Variants in LDAH observed in about 807,000 individuals in gnomAD.
LDAH encodes lipid droplet-associated hydrolase.
In LDAH, 26 loss-of-function variants were observed where a neutral mutation model predicts 29.6. That is an observed-to-expected ratio of 0.88 (90% CI 0.64 to 1.22). LDAH has a LOEUF of 1.22. Ranked by LOEUF, LDAH falls within the 50% of genes most tolerant of loss-of-function variation. The pLI is 0.00. For synonymous variants in LDAH, 117 were observed against 133.0 expected (o/e 0.88, Z 0.83); for missense variants, 344 against 387.3 (o/e 0.89, Z 0.94).
chr2:20,782,910 G>A (rs1670294270), intron 3 of LDAH, among the ~76,000 whole-genome samples: 1 of 151,996 alleles, frequency 6.6e-6, no homozygotes, highest in Non-Finnish European at 1.5e-5. Flanking sequence ...CAGAAACTTA[G>A]GTAATTAACT....
intron 6 of LDAH, among the ~76,000 whole-genome samples, chr2:20,688,013 T>C (rs764603352): frequency 6.6e-6 from 1 of 152,212 alleles, no homozygotes; most frequent in Non-Finnish European, 1.5e-5. Flanking sequence ...TTCCCTAATA[T>C]ACCAAATGTG....
intron 5 of LDAH, among the ~76,000 whole-genome samples, chr2:20,711,437 G>A (rs1286169854): frequency 6.6e-6 from 1 of 151,634 alleles, no homozygotes; most frequent in Non-Finnish European, 1.5e-5. Context: ...GGCCGAATAG[G>A]AACAGCTCCG....
Position 20,685,642 on chromosome 2 carries a change from C to A in LDAH, c.*1261G>T, listed in dbSNP as rs117403000. ...TCATTGTCCTTAGGGAATGATAATG[C>A]CATGAGGGATTTCCTCTAGGAGAAA... On this transcript the variant is annotated 3_prime_UTR_variant, in exon 7 of 7. Coordinates refer to ENST00000237822, the MANE Select transcript of LDAH (RefSeq NM_021925.4). The A allele has an allele frequency of 4.5e-6, 7 of 1,550,086 alleles. No individual in the cohort carries two copies. In the East Asian group the frequency reaches 1.7e-4, roughly 38 times the overall value.
chr2:20,703,573 G>C (rs1664103530), intron 5 of LDAH, among the ~76,000 whole-genome samples: 1 of 152,126 alleles, frequency 6.6e-6, no homozygotes. Flanking sequence ...GTGGTATCTA[G>C]AACCACACTT....
At chr2:20,714,731 C>T (rs2149383583) in intron 5 of LDAH, among the ~76,000 whole-genome samples, 1 of 152,244 alleles carries the variant, frequency 6.6e-6, no homozygotes, top group Middle Eastern at 3.4e-3. Context: ...ATACAAACTA[C>T]CATCAGAGAA....
downstream of LDAH, chr2:20,683,868 A>G (rs1425609605): frequency 1.4e-5 from 2 of 147,066 alleles, no homozygotes; most frequent in East Asian, 3.9e-4. Flanking sequence ...TAAAAAAAAA[A>G]TGAGGAGCTG....
chr2:20,710,855 C>A (rs1664703797), intron 5 of LDAH, among the ~76,000 whole-genome samples: 1 of 151,602 alleles, frequency 6.6e-6, no homozygotes. Context: ...AGACGTCTTT[C>A]AAATATTTGA....
chr2:20,776,568 C>CT (rs1197679800), intron 3 of LDAH, among the ~76,000 whole-genome samples: 2 of 152,138 alleles, frequency 1.3e-5, no homozygotes, highest in African/African-American at 4.8e-5. Flanking sequence ...TGCTCTCACT[C>CT]TTTTTCCCAG....
At chr2:20,706,139 G>A (rs542995003) in intron 5 of LDAH, among the ~76,000 whole-genome samples, 6 of 152,156 alleles carry the variant, frequency 3.9e-5, no homozygotes, top group Non-Finnish European at 8.8e-5. Flanking sequence ...AAATAAGGCC[G>A]ACCTTACAGA....
At position 20,789,202 on chromosome 2, in the gene LDAH, T is replaced by C. The variant is rs541851033; in HGVS notation, c.298+1053A>G. On this transcript the variant is annotated intron_variant, in intron 3 of 6. Coordinates refer to ENST00000237822, the MANE Select transcript of LDAH (RefSeq NM_021925.4). ...CCCCAAATCCATAGGTGAAACCCTA[T>C]GCCCAAATGCTATTAAGAGGTGGAG... is the stretch of plus-strand genomic sequence containing the variant. The C allele has an allele frequency of 5.8e-6, 9 of 1,550,572 alleles. No individual in the cohort carries two copies. The East Asian group carries it at 2.2e-4, about 38-fold the overall frequency.
intron 4 of LDAH, among the ~76,000 whole-genome samples, chr2:20,761,151 G>A (rs996253318): frequency 1.3e-5 from 2 of 152,186 alleles, no homozygotes; most frequent in African/African-American, 2.4e-5. Flanking sequence ...TGTCGAACAA[G>A]ACAACTGTTT....
chr2:20,716,351 G>A (rs945288049), intron 5 of LDAH, among the ~76,000 whole-genome samples: 1 of 151,402 alleles, frequency 6.6e-6, no homozygotes, highest in African/African-American at 2.4e-5. Flanking sequence ...TGATAGACTA[G>A]ATTAAGAAAA....
chr2:20,692,881 A>T (rs1242803010), intron 6 of LDAH, among the ~76,000 whole-genome samples: 3 of 152,148 alleles, frequency 2.0e-5, no homozygotes, highest in Non-Finnish European at 4.4e-5. Flanking sequence ...GGCTTCTCAT[A>T]ATGTCTTTAT....
At chr2:20,811,069 C>G (rs936849220) in intron 1 of LDAH, among the ~76,000 whole-genome samples, 15 of 150,374 alleles carry the variant, frequency 1.0e-4, no homozygotes, top group Middle Eastern at 3.2e-3. Context: ...CCAGGCTGGA[C>G]TGCAGTGGCG....
downstream of LDAH, among the ~76,000 whole-genome samples, chr2:20,682,600 T>C (rs1662351472): frequency 6.6e-6 from 1 of 152,166 alleles, no homozygotes; most frequent in Non-Finnish European, 1.5e-5. Context: ...TGGCAAAAGG[T>C]GGAAGGGCAA....
At chr2:20,690,237 C>T (rs1271782487) in intron 6 of LDAH, among the ~76,000 whole-genome samples, 2 of 152,094 alleles carry the variant, frequency 1.3e-5, no homozygotes, top group Non-Finnish European at 2.9e-5. Context: ...ACAAATATGT[C>T]CAAGTAATTA....
chr2:20,710,988 G>C (rs1480907733), intron 5 of LDAH, among the ~76,000 whole-genome samples: 1 of 151,964 alleles, frequency 6.6e-6, no homozygotes, highest in Non-Finnish European at 1.5e-5. Flanking sequence ...TTTAAAATCT[G>C]AGTTTTCTCT....
intron 1 of LDAH, among the ~76,000 whole-genome samples, chr2:20,813,742 C>T (rs1398106481): frequency 1.3e-5 from 2 of 152,256 alleles, no homozygotes; most frequent in Non-Finnish European, 2.9e-5. Context: ...AGTGATACCA[C>T]ACTTTGTAAG....
chr2:20,772,797 C>T (rs1001335796), intron 4 of LDAH, among the ~76,000 whole-genome samples: 1 of 152,208 alleles, frequency 6.6e-6, no homozygotes, highest in Non-Finnish European at 1.5e-5. Flanking sequence ...CCCCCAAATG[C>T]CACTGCTGAA....
Sources: gnomAD v4.1 joint callset for allele counts (sites outside exome capture counted in the v4.1 genomes callset) on GRCh38, gnomAD v4.1.1 for gene constraint, MANE v1.5 for transcripts, NCBI Gene and HGNC (gene_info 2026-07-23, HGNC 2026-07-21) for gene names.